The following CMKLR1 variants were observed in gnomAD, a reference collection of about 807,000 sequenced individuals.
CMKLR1 encodes chemerin chemokine-like receptor 1.
Under a neutral mutation model 8.2 loss-of-function variants are expected in CMKLR1, and 6 were observed. The observed-to-expected ratio is 0.73, with a 90% CI of 0.40 to 1.44. The LOEUF (loss-of-function observed/expected upper bound fraction) is 1.44. Among genes scored for constraint, CMKLR1 ranks in the 40% most tolerant of loss-of-function variants. The pLI is 0.02. For synonymous variants in CMKLR1, 178 were observed against 181.2 expected (o/e 0.98, Z 0.14); for missense variants, 429 against 478.0 (o/e 0.90, Z 0.96).
chr12:108,293,727 G>A, intron 2 of CMKLR1, 63 bp from the exon 3 acceptor site: 1 of 864,672 alleles, frequency 1.2e-6, no homozygotes, highest in Non-Finnish European at 1.8e-6. Flanking sequence ...CCAGAGGGTT[G>A]AGTGGACCCA....
chr12:108,328,694 C>T (rs1327832073), intron 2 of CMKLR1, among the ~76,000 whole-genome samples: 4 of 152,156 alleles, frequency 2.6e-5, no homozygotes, highest in Admixed American at 6.5e-5. Context: ...CTGAAAATTG[C>T]CTGCACTCCC....
chr12:108,333,477 A>C (rs1023929376), intron 1 of CMKLR1, among the ~76,000 whole-genome samples: 2 of 152,214 alleles, frequency 1.3e-5, no homozygotes, highest in Non-Finnish European at 2.9e-5. Flanking sequence ...CCAGACACCC[A>C]GATGTGCAAA....
intron 2 of CMKLR1, among the ~76,000 whole-genome samples, chr12:108,301,518 T>C (rs1891272699): frequency 6.6e-6 from 1 of 152,176 alleles, no homozygotes. Flanking sequence ...CTATGTAACA[T>C]GTGTTCATCC....
chr12:108,315,249 T>C (rs1014710193), intron 2 of CMKLR1, among the ~76,000 whole-genome samples: 4 of 152,126 alleles, frequency 2.6e-5, no homozygotes, highest in African/African-American at 9.7e-5. Context: ...CCACACCAGC[T>C]GGGGGTGGGC....
At chr12:108,299,368 G>C (rs568698313) in intron 2 of CMKLR1, among the ~76,000 whole-genome samples, 2 of 152,178 alleles carry the variant, frequency 1.3e-5, no homozygotes, top group East Asian at 3.9e-4. Flanking sequence ...TTTTTTCAGT[G>C]TAGGAGTTTC....
chr12:108,292,266 C>T lies in CMKLR1; in HGVS notation c.697G>A (p.Val233Ile). The change falls in exon 4 of 4, where the codon GTC becomes ATC. Residue 233 changes from valine (V) to isoleucine (I), a missense_variant. Physicochemically the swap from Val to Ile is conservative, Grantham distance 29. Transcript: ENST00000550402. The stretch of plus-strand genomic sequence containing the variant: ...AGGTAGCAAGCTGTGATGATGAGGA[C>T]TGGGACCAGGAAGCCACAGAGGAAG... ...TRFLCGFLVP[V>I]LIITACYLTI... is the part of the protein sequence containing the mutation. The T allele has an allele frequency of 1.2e-6, 2 of 1,614,132 alleles. No homozygotes were observed. Among genetic ancestry groups the T allele is most frequent in the Non-Finnish European group, 1.7e-6 (2 of 1,180,000 alleles).
intron 1 of CMKLR1, among the ~76,000 whole-genome samples, chr12:108,332,636 G>A (rs1892136002): frequency 6.6e-6 from 1 of 152,088 alleles, no homozygotes; most frequent in African/African-American, 2.4e-5. Flanking sequence ...TCTTGCCCTC[G>A]AACATCGGAT....
intron 2 of CMKLR1, among the ~76,000 whole-genome samples, chr12:108,309,005 C>G (rs1427330663): frequency 6.6e-6 from 1 of 152,144 alleles, no homozygotes; most frequent in Non-Finnish European, 1.5e-5. Flanking sequence ...GCCAGACTGC[C>G]TCGGTTTGAA....
chr12:108,318,857 T>C (rs1474520900), intron 2 of CMKLR1, among the ~76,000 whole-genome samples: 3 of 152,248 alleles, frequency 2.0e-5, no homozygotes, highest in Non-Finnish European at 4.4e-5. Flanking sequence ...TAAAATAAAA[T>C]AGTGATCACA....
intron 2 of CMKLR1, among the ~76,000 whole-genome samples, chr12:108,301,405 G>C (rs11113807): frequency 0.38 from 58,344 of 151,738 alleles, 11,457 homozygotes; most frequent in East Asian, 0.47. Context: ...ATCAGTACCT[G>C]GTTCTGATTC....
intron 2 of CMKLR1, among the ~76,000 whole-genome samples, chr12:108,297,782 C>T (rs1475515212): frequency 1.3e-5 from 2 of 152,212 alleles, no homozygotes; most frequent in Non-Finnish European, 2.9e-5. Flanking sequence ...TAAGCCTCAA[C>T]CTTCAATCCT....
intron 2 of CMKLR1, among the ~76,000 whole-genome samples, chr12:108,303,937 G>A (rs1268915541): frequency 1.3e-5 from 2 of 152,190 alleles, no homozygotes; most frequent in African/African-American, 4.8e-5. Flanking sequence ...GTGGCTGCTG[G>A]GATGCAGCAC....
intron 2 of CMKLR1, among the ~76,000 whole-genome samples, chr12:108,302,246 A>G (rs1303924073): frequency 6.6e-6 from 1 of 152,210 alleles, no homozygotes; most frequent in East Asian, 1.9e-4. Context: ...GACGCTTCCC[A>G]GGTTGGCCGG....
Position 108,293,389 on chromosome 12 carries a change from T to C in CMKLR1, c.3+200A>G, listed in dbSNP as rs146118161. Among the ~76,000 whole-genome samples the C allele has an allele frequency of 5.3e-5, 8 of 152,276 alleles. No homozygotes were observed. In the East Asian group the frequency reaches 1.5e-3, roughly 29 times the overall value. On this transcript the variant is annotated intron_variant, in intron 3 of 3. Coordinates refer to ENST00000550402, the MANE Select transcript of CMKLR1 (RefSeq NM_001142343.2). ...CTCTAGAGCCTAGTGGGGGAGACAA[T>C]TGTTCATCAAAAAGTCCCTCAAATA...
At chr12:108,304,527 G>T (rs1891356844) in intron 2 of CMKLR1, among the ~76,000 whole-genome samples, 1 of 152,000 alleles carries the variant, frequency 6.6e-6, no homozygotes, top group Non-Finnish European at 1.5e-5. Context: ...TTCCACCTCT[G>T]TCCTGTTCTT....
chr12:108,304,995 T>TC (rs1291357796), intron 2 of CMKLR1, among the ~76,000 whole-genome samples: 1 of 152,096 alleles, frequency 6.6e-6, no homozygotes, highest in Non-Finnish European at 1.5e-5. Context: ...CCCCATCTTC[T>TC]CCCCACATGA....
rs1213563885 is a variant in CMKLR1, at chr12:108,311,816, G to A, written c.-73-18152C>T. 1.8e-4 allele frequency among the ~76,000 whole-genome samples: 27 copies of A among 152,172 alleles called. 1 individual carries two copies. Among genetic ancestry groups the A allele is most frequent in the Admixed American group, 1.8e-3 (27 of 15,280 alleles). On this transcript the variant is annotated intron_variant, in intron 2 of 3. Coordinates refer to ENST00000550402, the MANE Select transcript of CMKLR1 (RefSeq NM_001142343.2). ...CCCAGGACAGGGCTGCAGGACTCATGGGAAGCCCCAGGCTGGGGGCACGGA... is the reference window on the plus strand; with the variant it reads ...CCCAGGACAGGGCTGCAGGACTCATAGGAAGCCCCAGGCTGGGGGCACGGA...
intron 2 of CMKLR1, among the ~76,000 whole-genome samples, chr12:108,298,163 A>G (rs889819169): frequency 6.6e-6 from 1 of 152,226 alleles, no homozygotes; most frequent in Non-Finnish European, 1.5e-5. Flanking sequence ...CAAAGGCACA[A>G]AAACCTCTAG....
intron 2 of CMKLR1, among the ~76,000 whole-genome samples, chr12:108,308,004 T>C (rs146969800): frequency 0.011 from 1,638 of 152,288 alleles, 26 homozygotes; most frequent in Middle Eastern, 0.037. Flanking sequence ...AAAACTGAGA[T>C]TCAGATTCAG....
Sources: gnomAD v4.1 joint callset for allele counts (sites outside exome capture counted in the v4.1 genomes callset) on GRCh38, gnomAD v4.1.1 for gene constraint, MANE v1.5 for transcripts, NCBI Gene and HGNC (gene_info 2026-07-23, HGNC 2026-07-21) for gene names.